The following TENM1 variants were observed in gnomAD, a reference collection of about 807,000 sequenced individuals.
TENM1 encodes the protein teneurin-1.
Under a neutral mutation model 174.8 loss-of-function variants are expected in TENM1, and 35 were observed. The ratio of observed to expected loss-of-function variants is 0.20; its 90% CI spans 0.15 to 0.27. TENM1 has a LOEUF of 0.27. TENM1 is among the 10% of genes least tolerant of loss of function. The pLI is 1.00. For missense variants in TENM1, 1,633 were observed against 2,130.1 expected (o/e 0.77, Z 4.59); for synonymous variants, 781 against 798.7 (o/e 0.98, Z 0.37).
At chrX:125,038,836 G>A in the TENM1 span, among the ~76,000 whole-genome samples, 4 of 111,848 alleles carry the variant, frequency 3.6e-5, no homozygotes, top group South Asian at 7.4e-4. Context: ...TGCTAGGACC[G>A]CCAGTGGCAA....
chrX:124,920,352 C>A (rs1298340122), intron 1 of TENM1, among the ~76,000 whole-genome samples: 1 of 111,152 alleles, frequency 9.0e-6, no homozygotes, highest in African/African-American at 3.3e-5. Context: ...ACACGTAGAT[C>A]TACTTAACTT....
intron 3 of TENM1, among the ~76,000 whole-genome samples, chrX:124,750,268 CTTG>C (rs1355942176): frequency 4.5e-5 from 5 of 111,679 alleles, no homozygotes; most frequent in Non-Finnish European, 9.4e-5. Context: ...TACACAGAGT[CTTG>C]TTGTCATGAA....
intron 6 of TENM1, among the ~76,000 whole-genome samples, chrX:124,661,850 G>C (rs1359791770): frequency 1.8e-5 from 2 of 111,322 alleles, no homozygotes; most frequent in Non-Finnish European, 3.8e-5. Context: ...TACCTTTTAG[G>C]CATGCAGAAA....
intron 3 of TENM1, among the ~76,000 whole-genome samples, chrX:124,784,451 AAGTCTCATT>A (rs2054989908): frequency 8.9e-6 from 1 of 111,808 alleles, no homozygotes; most frequent in Non-Finnish European, 1.9e-5. Flanking sequence ...GATCATGCCT[AAGTCTCATT>A]AGTCTCTTCA....
At chrX:124,632,130 C>T (rs958847944) in intron 11 of TENM1, among the ~76,000 whole-genome samples, 2 of 108,525 alleles carry the variant, frequency 1.8e-5, no homozygotes, top group Admixed American at 9.9e-5. Context: ...TCAGGCTGGT[C>T]TCAAACTCCT....
chrX:124,607,875 T>A lies in TENM1; in HGVS notation c.2077+33916A>T, dbSNP rs188734256. On this transcript the variant is annotated intron_variant, in intron 11 of 31. Coordinates refer to ENST00000422452, the Ensembl canonical transcript of TENM1. Reference sequence around the variant, plus strand: ...CAGGAGCAGTGTAGCTGGTGAGAAATGGTCAGATTCTGGATATATTTGAGA... The same window carrying A: ...CAGGAGCAGTGTAGCTGGTGAGAAAAGGTCAGATTCTGGATATATTTGAGA... Among the ~76,000 whole-genome samples the A allele has an allele frequency of 2.2e-4, 24 of 111,037 alleles. No individual in the cohort carries two copies. In the East Asian group the frequency reaches 6.8e-3, roughly 32 times the overall value.
intron 8 of TENM1, among the ~76,000 whole-genome samples, chrX:124,649,588 C>T (rs916929959): frequency 1.8e-5 from 2 of 112,263 alleles, no homozygotes; most frequent in East Asian, 2.8e-4. Context: ...TCCATAAATG[C>T]TATCTATTAT....
intron 3 of TENM1, among the ~76,000 whole-genome samples, chrX:124,861,415 T>C (rs2056909635): frequency 8.9e-6 from 1 of 111,761 alleles, no homozygotes; most frequent in African/African-American, 3.3e-5. Flanking sequence ...TGAACTTCCA[T>C]TTGCCACACT....
intron 18 of TENM1, among the ~76,000 whole-genome samples, chrX:124,508,670 C>T (rs1008139958): frequency 8.0e-5 from 9 of 111,922 alleles, no homozygotes; most frequent in Non-Finnish European, 1.1e-4. Flanking sequence ...CAAGAGGTTC[C>T]GTACAGTAAA....
At chrX:124,823,465 G>A (rs1225945853) in intron 3 of TENM1, among the ~76,000 whole-genome samples, 1 of 111,324 alleles carries the variant, frequency 9.0e-6, no homozygotes, top group African/African-American at 3.3e-5. Context: ...TTGGAGCAAA[G>A]CAGACTACTT....
At chrX:124,493,343 T>C (rs1165028661) in intron 20 of TENM1, among the ~76,000 whole-genome samples, 1 of 111,818 alleles carries the variant, frequency 8.9e-6, no homozygotes, top group East Asian at 2.8e-4. Context: ...TGCTCCACTT[T>C]AGGTAAATTT....
intron 15 of TENM1, among the ~76,000 whole-genome samples, chrX:124,533,424 A>AG (rs1274951782): frequency 9.0e-6 from 1 of 111,145 alleles, no homozygotes; most frequent in Non-Finnish European, 1.9e-5. Context: ...ATGTACGGTG[A>AG]GGGTCTGCCT....
the TENM1 span, among the ~76,000 whole-genome samples, chrX:125,196,292 AC>A: frequency 4.5e-5 from 5 of 111,486 alleles, no homozygotes; most frequent in African/African-American, 1.6e-4. Flanking sequence ...AGTCACAAAA[AC>A]ATATTCATTT....
the TENM1 span, among the ~76,000 whole-genome samples, chrX:125,113,913 A>C: frequency 9.0e-6 from 1 of 111,330 alleles, no homozygotes; most frequent in African/African-American, 3.3e-5. Context: ...AAGCAGACCT[A>C]ATAGACATCT....
chrX:124,825,153 ACTTT>A (rs1469559092), intron 3 of TENM1, among the ~76,000 whole-genome samples: 2 of 95,804 alleles, frequency 2.1e-5, no homozygotes, highest in African/African-American at 3.9e-5. Context: ...ACATAAGCTG[ACTTT>A]CTTTTTTTTT....
At chrX:124,796,830 AAG>A (rs1196021249) in intron 3 of TENM1, among the ~76,000 whole-genome samples, 1 of 111,711 alleles carries the variant, frequency 9.0e-6, no homozygotes, top group African/African-American at 3.2e-5. Flanking sequence ...TTATGAAAAA[AAG>A]AGACATTTTC....
the TENM1 span, among the ~76,000 whole-genome samples, chrX:125,092,073 T>A: frequency 9.6e-6 from 1 of 104,554 alleles, no homozygotes. Flanking sequence ...ATGTTTTGAA[T>A]AGAAAAATAC....
chrX:125,017,262 T>A, the TENM1 span, among the ~76,000 whole-genome samples: 1 of 112,001 alleles, frequency 8.9e-6, no homozygotes, highest in Non-Finnish European at 1.9e-5. Context: ...TAAACTATCA[T>A]CAGAGTGAAC....
chrX:125,059,105 A>G, the TENM1 span, among the ~76,000 whole-genome samples: 1 of 109,792 alleles, frequency 9.1e-6, no homozygotes, highest in Admixed American at 9.9e-5. Context: ...ATGGAATTTC[A>G]TTCATTTTTA....
Sources: gnomAD v4.1 joint callset for allele counts (sites outside exome capture counted in the v4.1 genomes callset) on GRCh38, gnomAD v4.1.1 for gene constraint, MANE v1.5 for transcripts, NCBI Gene and HGNC (gene_info 2026-07-23, HGNC 2026-07-21) for gene names.